The following DTNA variants were observed in gnomAD, a reference collection of about 807,000 sequenced individuals.
DTNA encodes the protein dystrophin-related protein 3.
A neutral mutation model predicts 100.7 loss-of-function variants in DTNA; 43 were observed. The ratio of observed to expected loss-of-function variants is 0.43; its 90% confidence interval spans 0.33 to 0.55. The LOEUF (loss-of-function observed/expected upper bound fraction) is 0.55, where lower values mean the gene tolerates loss of function less well. DTNA is among the 20% of genes least tolerant of loss of function. DTNA has a pLI of 0.04. For synonymous variants in DTNA, 349 were observed against 347.9 expected, an observed-to-expected ratio of 1.00 and a Z score of -0.04; for missense variants, 798 against 953.9, an observed-to-expected ratio of 0.84 and a Z score of 2.15.
chr18:34,774,300 G>T (rs2093934785), intron 3 of DTNA, among the ~76,000 whole-genome samples: 2 of 152,222 alleles, frequency 1.3e-5, no homozygotes, highest in African/African-American at 2.4e-5. Flanking sequence ...AGCGATGAAG[G>T]GATGCCCAGA....
intron 4 of DTNA, among the ~76,000 whole-genome samples, chr18:34,802,287 A>G (rs1377814884): frequency 1.3e-5 from 2 of 152,170 alleles, no homozygotes; most frequent in African/African-American, 4.8e-5. Context: ...CAGTTTTACT[A>G]CCTTACTGCA....
intron 17 of DTNA, chr18:34,867,542 G>T: frequency 1.8e-6 from 2 of 1,138,176 alleles, no homozygotes; most frequent in Non-Finnish European, 2.2e-6. Flanking sequence ...TCTGCAAATG[G>T]CTTCTTTCCT....
chr18:34,824,755 A>AT (rs1248555111), intron 9 of DTNA, among the ~76,000 whole-genome samples: 2 of 151,526 alleles, frequency 1.3e-5, no homozygotes, highest in Non-Finnish European at 1.5e-5. Context: ...TTCTTTTTTT[A>AT]TTTTTTGTAG....
chr18:34,590,520 C>T (rs2049604211), intron 1 of DTNA, among the ~76,000 whole-genome samples: 1 of 152,150 alleles, frequency 6.6e-6, no homozygotes, highest in Non-Finnish European at 1.5e-5. Flanking sequence ...TCTTCATACA[C>T]ATGGATGTCT....
intron 5 of DTNA, among the ~76,000 whole-genome samples, chr18:34,810,549 G>C (rs562844432): frequency 2.2e-4 from 33 of 151,660 alleles, no homozygotes; most frequent in African/African-American, 7.0e-4. Context: ...GGCTGCAGGA[G>C]GTTGGGGGGA....
intron 3 of DTNA, among the ~76,000 whole-genome samples, chr18:34,773,708 A>G (rs1034830208): frequency 2.0e-5 from 3 of 152,202 alleles, no homozygotes; most frequent in Admixed American, 1.3e-4. Flanking sequence ...AAAGATGCCT[A>G]TGTAATAGGA....
intron 7 of DTNA, 65 bp downstream of exon 7, chr18:34,816,079 A>G (rs969187261): frequency 2.7e-6 from 4 of 1,490,168 alleles, no homozygotes; most frequent in Non-Finnish European, 3.7e-6. Context: ...TTAGTTCTAC[A>G]GTTAGTAAGC....
intron 9 of DTNA, among the ~76,000 whole-genome samples, chr18:34,823,541 G>T (rs1049290168): frequency 1.3e-5 from 2 of 152,164 alleles, no homozygotes; most frequent in African/African-American, 4.8e-5. Context: ...AAGGAATATT[G>T]TCATAGTGCA....
intron 14 of DTNA, 140 bp downstream of exon 14, chr18:34,848,523 G>A (rs2096420516): frequency 2.1e-6 from 2 of 970,392 alleles, no homozygotes; most frequent in African/African-American, 1.6e-5. Flanking sequence ...TTGTTGCTAA[G>A]TTTGTGGTGT....
intron 8 of DTNA, chr18:34,818,605 A>G: frequency 7.9e-7 from 1 of 1,270,882 alleles, no homozygotes; most frequent in Non-Finnish European, 1.0e-6. Context: ...TTAAATAACA[A>G]CTGAATAGCA....
chr18:34,888,889 T>G lies in DTNA; in HGVS notation c.*1155T>G. 1 of 985,926 alleles carries G rather than the reference T, an allele frequency of 1.0e-6. No individual in the cohort carries two copies. Among genetic ancestry groups the G allele is most frequent in the Non-Finnish European group, 1.2e-6 (1 of 829,960 alleles). 61.1% of individuals were successfully genotyped at this position (985,926 alleles called of 1,614,324 possible). ...TTTTCTGAATGTTGATTGCCTTAGC[T>G]GGCCACCTGGTGTTCTGCATGTAGC... On this transcript the variant is annotated 3_prime_UTR_variant, in exon 23 of 23. Transcript: ENST00000444659.
chr18:34,786,030 C>T (rs2094496637), intron 3 of DTNA, among the ~76,000 whole-genome samples: 1 of 152,222 alleles, frequency 6.6e-6, no homozygotes, highest in African/African-American at 2.4e-5. Flanking sequence ...CCTCTCCCTA[C>T]CTCCTCACAC....
At chr18:34,809,492 G>C (rs994454984) in intron 5 of DTNA, among the ~76,000 whole-genome samples, 1 of 152,004 alleles carries the variant, frequency 6.6e-6, no homozygotes, top group African/African-American at 2.4e-5. Flanking sequence ...AAACAGGTAA[G>C]GTCATGATTT....
At chr18:34,534,495 C>G (rs2043477782) in intron 1 of DTNA, among the ~76,000 whole-genome samples, 1 of 151,744 alleles carries the variant, frequency 6.6e-6, no homozygotes, top group Admixed American at 6.6e-5. Context: ...TTTTTTTTAA[C>G]TTTAAGTTCT....
intron 5 of DTNA, among the ~76,000 whole-genome samples, chr18:34,809,669 A>G (rs927811567): frequency 3.9e-5 from 6 of 152,170 alleles, no homozygotes; most frequent in Admixed American, 3.3e-4. Context: ...GGGTTGAGAG[A>G]TATTTAGCTC....
At chr18:34,719,407 A>C (rs970753881) in intron 1 of DTNA, among the ~76,000 whole-genome samples, 2 of 152,144 alleles carry the variant, frequency 1.3e-5, no homozygotes, top group African/African-American at 4.8e-5. Flanking sequence ...CAACAACCCT[A>C]TGAGCAGGGT....
chr18:34,751,596 T>C (rs1467852443), intron 1 of DTNA, among the ~76,000 whole-genome samples: 2 of 152,224 alleles, frequency 1.3e-5, no homozygotes, highest in East Asian at 3.8e-4. Context: ...CTTACCTATT[T>C]TAAAGCTCCC....
intron 2 of DTNA, among the ~76,000 whole-genome samples, chr18:34,759,041 A>C (rs1437419771): frequency 1.3e-5 from 2 of 152,210 alleles, no homozygotes; most frequent in African/African-American, 2.4e-5. Context: ...TTTATATAAA[A>C]AATTGGGTGA....
chr18:34,527,402 A>G (rs78917330), intron 1 of DTNA, among the ~76,000 whole-genome samples: 2 of 152,022 alleles, frequency 1.3e-5, no homozygotes, highest in African/African-American at 4.8e-5. Flanking sequence ...GATGCTGCCA[A>G]AAGTTAATAA....
Sources: allele counts gnomAD v4.1 joint callset (sites outside exome capture counted in the v4.1 genomes callset), GRCh38; gene constraint gnomAD v4.1.1; transcripts MANE v1.5; gene names NCBI Gene and HGNC (gene_info 2026-07-23, HGNC 2026-07-21).